Variants in BLTP1 observed in about 807,000 individuals in gnomAD.
BLTP1 encodes fragile site-associated protein.
the BLTP1 span, chr4:122,325,395 C>G: frequency 6.8e-7 from 1 of 1,473,896 alleles, no homozygotes; most frequent in Admixed American, 2.3e-5. Context: ...TGGTATTATA[C>G]TATTTCAAAA....
the BLTP1 span, chr4:122,251,422 A>C: frequency 1.1e-6 from 1 of 890,160 alleles, no homozygotes; most frequent in Non-Finnish European, 1.3e-6. Context: ...TTTACCCCCC[A>C]GATTCCTAGG....
chr4:122,231,060 C>G, the BLTP1 span, among the ~76,000 whole-genome samples: 1 of 152,010 alleles, frequency 6.6e-6, no homozygotes, highest in Middle Eastern at 3.2e-3. Context: ...AGCCATTGCC[C>G]TTATATTAAA....
At chr4:122,247,415 G>T in the BLTP1 span, 4 of 1,584,680 alleles carry the variant, frequency 2.5e-6, no homozygotes. Context: ...AGATGATTTT[G>T]CAGAAGGGAA....
the BLTP1 span, among the ~76,000 whole-genome samples, chr4:122,335,699 T>C: frequency 6.6e-6 from 1 of 152,142 alleles, no homozygotes; most frequent in East Asian, 1.9e-4. Context: ...TTGGAAACCT[T>C]AGCCAAAGCT....
chr4:122,215,007 T>G, the BLTP1 span, among the ~76,000 whole-genome samples: 1 of 152,166 alleles, frequency 6.6e-6, no homozygotes, highest in Admixed American at 6.5e-5. Context: ...CATATAACAT[T>G]AGACAAAGTT....
the BLTP1 span, chr4:122,171,830 T>C: frequency 6.8e-3 from 6,694 of 983,698 alleles, 345 homozygotes; most frequent in African/African-American, 0.11. Flanking sequence ...CAGAAAAACA[T>C]TGAGCAATTG....
the BLTP1 span, chr4:122,251,296 A>T: frequency 3.1e-6 from 3 of 980,580 alleles, no homozygotes; most frequent in Non-Finnish European, 3.6e-6. Context: ...ACGTATGTAC[A>T]TATATTTCTG....
chr4:122,291,849 T>G, the BLTP1 span: 6 of 978,772 alleles, frequency 6.1e-6, no homozygotes, highest in Non-Finnish European at 7.3e-6. Context: ...TTGTGAATGG[T>G]TGAGCTTTTG....
chr4:122,258,899 AT>A, the BLTP1 span: 1 of 1,089,240 alleles, frequency 9.2e-7, no homozygotes, highest in South Asian at 1.8e-5. Context: ...AAAACCTAAA[AT>A]TTTATCTCAA....
the BLTP1 span, among the ~76,000 whole-genome samples, chr4:122,357,861 C>CTT: frequency 6.6e-6 from 1 of 152,008 alleles, no homozygotes. Flanking sequence ...TTTGTCTTGA[C>CTT]TTTTAAAAAT....
the BLTP1 span, chr4:122,348,481 G>A: frequency 9.2e-7 from 1 of 1,088,606 alleles, no homozygotes; most frequent in Non-Finnish European, 1.3e-6. Context: ...TTTACTTTTT[G>A]GATTATAGCA....
chr4:122,352,359 T>C, the BLTP1 span, among the ~76,000 whole-genome samples: 647 of 146,140 alleles, frequency 4.4e-3, 4 homozygotes, highest in Non-Finnish European at 7.1e-3. Context: ...GTTTTTCTTT[T>C]TTTTTTTTTT....
chr4:122,207,514 C>CTTTTTTTT, the BLTP1 span: 921 of 1,286,704 alleles, frequency 7.2e-4, 18 homozygotes, highest in South Asian at 2.2e-3. Context: ...ACTTTTTCTT[C>CTTTTTTTT]TTTTTTTTTT....
chr4:122,207,922 A>C, the BLTP1 span: 1 of 983,354 alleles, frequency 1.0e-6, no homozygotes. Flanking sequence ...TTCTAGCTCT[A>C]ATGTTTACTA....
chr4:122,250,999 T>C, the BLTP1 span: 21 of 985,080 alleles, frequency 2.1e-5, no homozygotes, highest in Non-Finnish European at 2.4e-5. Flanking sequence ...TGGCACCTTA[T>C]ATTCAACTCA....
chr4:122,228,702 G>T, the BLTP1 span, among the ~76,000 whole-genome samples: 1 of 132,550 alleles, frequency 7.5e-6, no homozygotes, highest in Non-Finnish European at 1.5e-5. Context: ...TAGTGAATTT[G>T]TGTGTGTGTG....
At chr4:122,250,047 G>A in the BLTP1 span, 50 of 859,850 alleles carry the variant, frequency 5.8e-5, no homozygotes, top group East Asian at 1.2e-4. Flanking sequence ...TTTATTCAGC[G>A]AAAAATATCT....
chr4:122,226,643 T>C, the BLTP1 span: 1 of 1,591,992 alleles, frequency 6.3e-7, no homozygotes, highest in Non-Finnish European at 8.5e-7. Context: ...TCAGAAGCTT[T>C]TGAACTCTAA....
the BLTP1 span, chr4:122,279,724 CTTT>C: frequency 1.9e-6 from 3 of 1,541,026 alleles, no homozygotes; most frequent in East Asian, 6.9e-5. Flanking sequence ...CAAAATTTCT[CTTT>C]ACTTGGCTGT....
Sources: gnomAD v4.1 joint callset for allele counts (sites outside exome capture counted in the v4.1 genomes callset) on GRCh38, gnomAD v4.1.1 for gene constraint, MANE v1.5 for transcripts, NCBI Gene and HGNC (gene_info 2026-07-23, HGNC 2026-07-21) for gene names.